CENPU: variants seen among roughly 807,000 people sequenced by gnomAD.
CENPU encodes KSHV latent nuclear antigen interacting protein 1.
A neutral mutation model predicts 56.7 loss-of-function variants in CENPU; 46 were observed. The observed-to-expected ratio is 0.81, with a 90% confidence interval of 0.64 to 1.04. The LOEUF is 1.04. Ranked by LOEUF, CENPU falls within the 50% of genes least tolerant of loss-of-function variation. CENPU has a pLI of 0.00. For missense variants in CENPU, 510 were observed against 490.1 expected (o/e 1.04, Z -0.38); for synonymous variants, 166 against 163.0 (o/e 1.02, Z -0.14).
At chr4:184,732,714 A>C (rs1761692459) in intron 1 of CENPU, among the ~76,000 whole-genome samples, 1 of 152,116 alleles carries the variant, frequency 6.6e-6, no homozygotes. Context: ...CCACAGGTAA[A>C]ATTTCTGGGC....
At chr4:184,699,621 A>C (rs774332532) in intron 11 of CENPU, 2 of 1,288,374 alleles carry the variant, frequency 1.6e-6, no homozygotes, top group Admixed American at 4.6e-5. Context: ...AGAAACCAAC[A>C]GATTAGACAA....
At chr4:184,706,334 C>A (rs1259794941) in intron 8 of CENPU, among the ~76,000 whole-genome samples, 1 of 152,118 alleles carries the variant, frequency 6.6e-6, no homozygotes, top group Non-Finnish European at 1.5e-5. Context: ...TGACACCCCC[C>A]ATCTAAAGAA....
At chr4:184,724,661 T>C (rs1761395790) in intron 4 of CENPU, among the ~76,000 whole-genome samples, 2 of 152,226 alleles carry the variant, frequency 1.3e-5, no homozygotes, top group Non-Finnish European at 2.9e-5. Context: ...AAAAATCACC[T>C]AACATTCTAT....
At chr4:184,714,369 T>C (rs1761021874) in intron 6 of CENPU, among the ~76,000 whole-genome samples, 1 of 152,148 alleles carries the variant, frequency 6.6e-6, no homozygotes, top group South Asian at 2.1e-4. Context: ...ACTATAGAGC[T>C]GCTGCTTCTC....
At chr4:184,709,794 T>TAA (rs546422536) in intron 8 of CENPU, among the ~76,000 whole-genome samples, 1 of 137,122 alleles carries the variant, frequency 7.3e-6, no homozygotes. Context: ...CCTCAAAATT[T>TAA]AAAAAAAAAA....
In CENPU at chr4:184,734,071, T is replaced by C. The variant is rs953037250; in HGVS notation, c.-9A>G. On this transcript the variant is annotated 5_prime_UTR_variant, in exon 1 of 13. Coordinates refer to ENST00000281453, the MANE Select transcript of CENPU (RefSeq NM_024629.4). ...CGCCCCCGCGGGGCCATGGTGCCGC[T>C]CTCCGCTCTCGAGCGACTGGAAGCT... The C allele has an allele frequency of 1.8e-5, 28 of 1,550,364 alleles. No individual in the cohort carries two copies. Among genetic ancestry groups the C allele is most frequent in the Non-Finnish European group, 2.4e-5 (28 of 1,149,398 alleles).
At chr4:184,724,477 G>C (rs1283330796) in intron 4 of CENPU, among the ~76,000 whole-genome samples, 1 of 152,084 alleles carries the variant, frequency 6.6e-6, no homozygotes, top group Admixed American at 6.5e-5. Context: ...CATTTTTATA[G>C]AGATTTTCTG....
Position 184,702,451 on chromosome 4 carries a change from A to T in CENPU, c.798-10T>A. 2 of 1,595,580 alleles carry T rather than the reference A, an allele frequency of 1.3e-6. No homozygotes were observed. ...AGATTCTATTCTTTGTCTGTAGAGG[A>T]ATTAAAAAAAAGTCTAAGTACCATG... On this transcript the variant is annotated splice_polypyrimidine_tract_variant and intron_variant, in intron 8 of 12. Coordinates refer to ENST00000281453, the MANE Select transcript of CENPU (RefSeq NM_024629.4).
chr4:184,710,183 A>G lies in CENPU; in HGVS notation c.689-3T>C. Reference sequence around the variant, plus strand: ...AATGTGCACAATGTCAGAAGTATCTAAAATATTAAGATAAGTTAACATGCT... The same window carrying G: ...AATGTGCACAATGTCAGAAGTATCTGAAATATTAAGATAAGTTAACATGCT... On this transcript the variant is annotated splice_region_variant and splice_polypyrimidine_tract_variant and intron_variant, in intron 7 of 12. Coordinates refer to ENST00000281453, the MANE Select transcript of CENPU (RefSeq NM_024629.4). 6.3e-7 allele frequency: 1 copy of G among 1,576,996 alleles called. No homozygotes were observed. Among genetic ancestry groups the G allele is most frequent in the Non-Finnish European group, 8.7e-7 (1 of 1,149,228 alleles).
At chr4:184,702,738 A>G (rs1029999090) in intron 8 of CENPU, among the ~76,000 whole-genome samples, 1 of 152,106 alleles carries the variant, frequency 6.6e-6, no homozygotes, top group Non-Finnish European at 1.5e-5. Flanking sequence ...TCTTCCCTCT[A>G]GGAGTCCCCA....
At chr4:184,728,114 A>G (rs1205208061) in intron 3 of CENPU, among the ~76,000 whole-genome samples, 2 of 152,188 alleles carry the variant, frequency 1.3e-5, no homozygotes, top group Non-Finnish European at 2.9e-5. Context: ...GTACACCTTA[A>G]AAGGGTGAAT....
In CENPU at chr4:184,702,364, A is replaced by G. The variant is rs1561129120; in HGVS notation, c.875T>C (p.Met292Thr). Residue 292 changes from methionine (M) to threonine (T), a missense_variant and splice_region_variant, in exon 9 of 13, where the codon ATG becomes ACG. Physicochemically the swap from Met to Thr is moderately conservative, Grantham distance 81 (BLOSUM62 -1). Transcript: ENST00000281453. ...ACAAATGCATGTCCGTGAGCTTACC[A>G]TTTTGATGAATTGTTCTTTAACATT... ...YVNVKEQFIK[M>T]LKESQMLTNL... The G allele has an allele frequency of 6.2e-7, 1 of 1,611,532 alleles. No homozygotes were observed. The highest frequency in any genetic ancestry group is 1.3e-5 in the African/African-American group (1 of 74,888).
chr4:184,699,276 G>T (rs1760448325), intron 11 of CENPU, among the ~76,000 whole-genome samples: 1 of 152,080 alleles, frequency 6.6e-6, no homozygotes, highest in South Asian at 2.1e-4. Flanking sequence ...CTTGCAGTGA[G>T]CCAAGATAGC....
In CENPU at chr4:184,716,443, G is replaced by A. The variant is rs773210147; in HGVS notation, c.572C>T (p.Ala191Val). 8.7e-6 allele frequency: 14 copies of A among 1,614,012 alleles called. No individual in the cohort carries two copies. Among genetic ancestry groups the A allele is most frequent in the Admixed American group, 1.7e-5 (1 of 60,002 alleles). ...VTSKKTGPLS[A>V]QPSVEKENLA... ...GTTCTCTTTTTCAACAGAGGGCTGGGCACTAAGGGGTCCTGTCTTTTTAGA... is the reference window on the plus strand; with the variant it reads ...GTTCTCTTTTTCAACAGAGGGCTGGACACTAAGGGGTCCTGTCTTTTTAGA... Residue 191 changes from alanine (A) to valine (V), a missense_variant, in exon 6 of 13, where the codon GCC (alanine) becomes GTC (valine). Ala to Val is a moderately conservative substitution (Grantham distance 64, BLOSUM62 0). Transcript: ENST00000281453.
Position 184,697,703 on chromosome 4 carries a change from GT to G in CENPU, c.1086del (p.Lys362AsnfsTer17), listed in dbSNP as rs751373360. 6.2e-7 allele frequency: 1 copy of G among 1,612,778 alleles called. No homozygotes were observed. The highest frequency in any genetic ancestry group is 1.1e-5 in the South Asian group (1 of 90,962). ...RNAAYFLSNL[K>X]QLYQDYSDVQ... ...ACATCTGAATAATCTTGATAAAGCT[GT>G]TTTAAATTAGATAAGAAATATGCTG... On this transcript the variant is annotated frameshift_variant, in exon 12 of 13. Transcript: ENST00000281453. LOFTEE classifies it high-confidence loss of function.
chr4:184,710,156 C>G lies in CENPU; in HGVS notation c.713G>C (p.Trp238Ser). The G allele has an allele frequency of 1.2e-6, 2 of 1,604,588 alleles. No homozygotes were observed. Among genetic ancestry groups the G allele is most frequent in the Non-Finnish European group, 1.7e-6 (2 of 1,173,750 alleles). Residue 238 changes from tryptophan to serine, a missense_variant, in exon 8 of 13, where the codon TGG (tryptophan) becomes TCG (serine). Transcript: ENST00000281453. ...ACTGGTTTTCATTCCTTCTGGACACCAAATGTGCACAATGTCAGAAGTATC... is the reference window on the plus strand; with the variant it reads ...ACTGGTTTTCATTCCTTCTGGACACGAAATGTGCACAATGTCAGAAGTATC... ...GSDTSDIVHI[W>S]CPEGMKTSDI...
At chr4:184,713,221 T>C (rs978466885) in intron 6 of CENPU, among the ~76,000 whole-genome samples, 1 of 152,032 alleles carries the variant, frequency 6.6e-6, no homozygotes, top group African/African-American at 2.4e-5. Flanking sequence ...TGAAACCCCA[T>C]CTCTACTAAA....
chr4:184,732,285 T>C (rs1052056283), intron 1 of CENPU, among the ~76,000 whole-genome samples: 23 of 151,710 alleles, frequency 1.5e-4, no homozygotes, highest in Admixed American at 3.3e-4. Flanking sequence ...AGAGCGGTGG[T>C]TCCCAGACTT....
At chr4:184,698,528 G>A (rs770942544) in intron 11 of CENPU, among the ~76,000 whole-genome samples, 3 of 152,140 alleles carry the variant, frequency 2.0e-5, no homozygotes, top group Non-Finnish European at 4.4e-5. Flanking sequence ...TCAGCTCACT[G>A]CAACCTCCGC....
Sources: gnomAD v4.1 joint callset for allele counts (sites outside exome capture counted in the v4.1 genomes callset) on GRCh38, gnomAD v4.1.1 for gene constraint, MANE v1.5 for transcripts, NCBI Gene and HGNC (gene_info 2026-07-23, HGNC 2026-07-21) for gene names.